The following GAD2 variants were observed in gnomAD, a reference collection of about 807,000 sequenced individuals.
The protein encoded by GAD2 is glutamate decarboxylase 2, also known as 65 kDa glutamic acid decarboxylase.
Under a neutral mutation model 80.1 loss-of-function variants are expected in GAD2, and 22 were observed. That is an observed-to-expected ratio of 0.27 (90% confidence interval 0.20 to 0.39). GAD2 has a LOEUF of 0.39. Ranked by LOEUF, GAD2 falls within the 10% of genes least tolerant of loss-of-function variation. The probability of loss-of-function intolerance (pLI) is 1.00; values close to 1 mark genes in which losing one functional copy is unlikely to be tolerated. For missense variants in GAD2, 624 were observed against 738.4 expected, an observed-to-expected ratio of 0.85 and a Z score of 1.80; for synonymous variants, 274 against 256.9, an observed-to-expected ratio of 1.07 and a Z score of -0.64.
At chr10:26,300,732 G>T (rs1834320212) in intron 15 of GAD2, 56 bp from the exon 16 acceptor site, 2 of 1,528,774 alleles carry the variant, frequency 1.3e-6, no homozygotes, top group Admixed American at 1.8e-5. Flanking sequence ...TGGGTTCTTT[G>T]ACTCAGGGGA....
intron 8 of GAD2, among the ~76,000 whole-genome samples, chr10:26,257,666 A>G (rs535321532): frequency 6.6e-6 from 1 of 152,178 alleles, no homozygotes. Flanking sequence ...CTACTAGTAC[A>G]TTTATATACA....
chr10:26,216,699 C>G (rs1470773968), upstream of GAD2: 6 of 731,188 alleles, frequency 8.2e-6, no homozygotes, highest in Admixed American at 4.1e-5. The surrounding 1 kb of genome is among the most constrained non-coding windows in gnomAD (Gnocchi z 4.7). Context: ...CCGGTCCCCG[C>G]GCGGTGCCCT....
chr10:26,294,715 G>C (rs776438395), intron 15 of GAD2, among the ~76,000 whole-genome samples: 1 of 152,132 alleles, frequency 6.6e-6, no homozygotes, highest in Non-Finnish European at 1.5e-5. Flanking sequence ...TCGTGAAGTT[G>C]GTTCATTCCA....
intron 15 of GAD2, among the ~76,000 whole-genome samples, chr10:26,298,370 T>A (rs1319694480): frequency 6.6e-6 from 1 of 152,226 alleles, no homozygotes; most frequent in Non-Finnish European, 1.5e-5. Flanking sequence ...ATGTTCCGGC[T>A]AATTTTAGTT....
chr10:26,275,646 A>G (rs1337131923), intron 11 of GAD2, among the ~76,000 whole-genome samples: 1 of 152,238 alleles, frequency 6.6e-6, no homozygotes, highest in African/African-American at 2.4e-5. Context: ...CATACTTTCT[A>G]AGTGAATACA....
At chr10:26,278,986 A>G (rs3781111) in intron 11 of GAD2, among the ~76,000 whole-genome samples, 64,877 of 151,800 alleles carry the variant, frequency 0.43, 17,851 homozygotes, top group African/African-American at 0.79. Context: ...ACGGCCAGAC[A>G]GGGCAGCAAT....
chr10:26,260,582 C>G (rs1434182746), intron 8 of GAD2, among the ~76,000 whole-genome samples: 3 of 152,136 alleles, frequency 2.0e-5, no homozygotes, highest in African/African-American at 4.8e-5. Flanking sequence ...GAGCCAAGAT[C>G]GAGCCACTGC....
chr10:26,269,892 T>G (rs890103746), intron 9 of GAD2, among the ~76,000 whole-genome samples: 1 of 152,210 alleles, frequency 6.6e-6, no homozygotes, highest in Non-Finnish European at 1.5e-5. Flanking sequence ...GTTTCCCTCC[T>G]TGTGCAAGTA....
Position 26,224,018 on chromosome 10 carries a change from A to G in GAD2, c.611+41A>G, listed in dbSNP as rs140964969. The G allele has an allele frequency of 1.8e-4, 247 of 1,347,472 alleles. No individual in the cohort carries two copies. The East Asian group carries it at 5.2e-3, about 28-fold the overall frequency. 83.5% of individuals were successfully genotyped at this position (1,347,472 alleles called of 1,614,324 possible). A position where few individuals can be genotyped will look rare whatever the true frequency, so the allele number is the denominator to read the frequency against. On this transcript the variant is annotated intron_variant, in intron 5 of 15. Coordinates refer to ENST00000376261, the MANE Select transcript of GAD2 (RefSeq NM_001134366.2). ...TGTTTTTATGTAATTTAGGATAATT[A>G]TTAGTGACATTCCATAGTCTTTACA...
At chr10:26,242,371 G>T (rs766649121) in intron 7 of GAD2, among the ~76,000 whole-genome samples, 35 of 152,068 alleles carry the variant, frequency 2.3e-4, no homozygotes, top group Admixed American at 1.6e-3. Context: ...GCATCCAGGT[G>T]GTTGTTCTTC....
At chr10:26,235,105 C>G (rs774777543) in intron 7 of GAD2, among the ~76,000 whole-genome samples, 47 of 152,228 alleles carry the variant, frequency 3.1e-4, no homozygotes, top group Non-Finnish European at 4.6e-4. Context: ...AACTCCTGAC[C>G]TCAGGTGATC....
At chr10:26,227,621 C>A (rs140544903) in intron 6 of GAD2, among the ~76,000 whole-genome samples, 76 of 152,314 alleles carry the variant, frequency 5.0e-4, no homozygotes, top group African/African-American at 1.8e-3. Context: ...TCTATAGATG[C>A]TTTTGATTGT....
chr10:26,223,037 T>G (rs1208947332), intron 4 of GAD2, among the ~76,000 whole-genome samples: 1 of 152,228 alleles, frequency 6.6e-6, no homozygotes, highest in African/African-American at 2.4e-5. Flanking sequence ...ATAATCACAT[T>G]TTAAATAATA....
At chr10:26,262,696 T>C (rs2132299659) in intron 8 of GAD2, among the ~76,000 whole-genome samples, 1 of 152,366 alleles carries the variant, frequency 6.6e-6, no homozygotes. Flanking sequence ...GAGAATGATT[T>C]AGGATGCTTC....
At chr10:26,224,771 T>C (rs531844823) in intron 6 of GAD2, 120 bp downstream of exon 6, 1 of 681,180 alleles carries the variant, frequency 1.5e-6, no homozygotes, top group East Asian at 2.7e-5. Flanking sequence ...GACTGTGTGT[T>C]GATCAAAAGA....
chr10:26,268,340 C>T lies in GAD2; in HGVS notation c.921-779C>T, dbSNP rs985421928. On this transcript the variant is annotated intron_variant, in intron 8 of 15. Coordinates refer to ENST00000376261, the MANE Select transcript of GAD2 (RefSeq NM_001134366.2). ...AAAATTAGCCAGGCATGGTGGCGGGCGCCTGTAGTCCCAGCTACTCGGGAG... is the reference window on the plus strand; with the variant it reads ...AAAATTAGCCAGGCATGGTGGCGGGTGCCTGTAGTCCCAGCTACTCGGGAG... Among the ~76,000 whole-genome samples the T allele has an allele frequency of 4.6e-5, 7 of 151,994 alleles. 1 individual carries two copies. Among genetic ancestry groups the T allele is most frequent in the Non-Finnish European group, 7.4e-5 (5 of 67,984 alleles).
upstream of GAD2, chr10:26,216,696 C>T (rs558869685): frequency 1.4e-4 from 99 of 711,916 alleles, 1 homozygote; most frequent in South Asian, 5.4e-4. This position sits in a 1 kb window ranked among gnomAD's most constrained non-coding sequence, Gnocchi z 4.7. Flanking sequence ...CCGCCGGTCC[C>T]CGCGCGGTGC....
At chr10:26,246,392 T>C (rs975256025) in intron 8 of GAD2, among the ~76,000 whole-genome samples, 1 of 152,014 alleles carries the variant, frequency 6.6e-6, no homozygotes, top group African/African-American at 2.4e-5. Flanking sequence ...GGGGACGTAG[T>C]ATAGGGAGCA....
At position 26,292,920 on chromosome 10, in the gene GAD2, T is replaced by C. The variant is rs1461947257; in HGVS notation, c.1513T>C (p.Cys505Arg). Residue 505 changes from cysteine to arginine, a missense_variant, in exon 15 of 16, where the codon TGC becomes CGC. Transcript: ENST00000376261. ...TTTGTAGCCTCAGCACACAAATGTC[T>C]GCTTCTGGTACATTCCTCCAAGCTT... ...FDGKPQHTNV[C>R]FWYIPPSLRT... 6 of 1,613,918 alleles carry C rather than the reference T, an allele frequency of 3.7e-6. No homozygotes were observed. In the Admixed American group the frequency reaches 1.0e-4, roughly 27 times the overall value.
Sources: gnomAD v4.1 joint callset for allele counts (sites outside exome capture counted in the v4.1 genomes callset) on GRCh38, gnomAD v4.1.1 for gene constraint, Gnocchi (gnomAD v3.1) non-coding constraint, MANE v1.5 for transcripts, NCBI Gene and HGNC (gene_info 2026-07-23, HGNC 2026-07-21) for gene names.